The following USP34 variants were observed in gnomAD, a reference collection of about 807,000 sequenced individuals.
The protein encoded by USP34 is ubiquitin carboxyl-terminal hydrolase 34.
Under a neutral mutation model 460.3 loss-of-function variants are expected in USP34, and 70 were observed. The ratio of observed to expected loss-of-function variants is 0.15; its 90% CI spans 0.13 to 0.19. USP34 has a LOEUF of 0.19. Among genes scored for constraint, USP34 ranks in the 10% least tolerant of loss-of-function variants. The pLI is 1.00. For synonymous variants in USP34, 1,647 were observed against 1,405.3 expected, an observed-to-expected ratio of 1.17 and a Z score of -3.85; for missense variants, 3,985 against 4,236.2, an observed-to-expected ratio of 0.94 and a Z score of 1.65.
chr2:61,227,736 C>CA (rs11328095), intron 61 of USP34, among the ~76,000 whole-genome samples: 231 of 148,208 alleles, frequency 1.6e-3, no homozygotes, highest in South Asian at 6.2e-3. Flanking sequence ...AACAAACAAA[C>CA]AAAAAAAAAA....
chr2:61,359,608 CT>C (rs1228109708), intron 10 of USP34, among the ~76,000 whole-genome samples: 1 of 152,004 alleles, frequency 6.6e-6, no homozygotes, highest in Non-Finnish European at 1.5e-5. Flanking sequence ...AAATTAAAAA[CT>C]TTTGTGCATC....
chr2:61,231,283 GT>G (rs534680714), intron 58 of USP34, among the ~76,000 whole-genome samples: 2 of 142,162 alleles, frequency 1.4e-5, no homozygotes, highest in African/African-American at 5.1e-5. Flanking sequence ...TGGGTATAGG[GT>G]TTTTTTTTGG....
chr2:61,206,224 GGTTA>G, intron 71 of USP34, 100 bp from the exon 72 acceptor site: 1 of 975,570 alleles, frequency 1.0e-6, no homozygotes, highest in Non-Finnish European at 1.6e-6. Context: ...TAGAAATTCA[GGTTA>G]ATTACAAAAA....
chr2:61,204,043 GAA>G (rs367894622), intron 74 of USP34, among the ~76,000 whole-genome samples: 1 of 151,640 alleles, frequency 6.6e-6, no homozygotes, highest in South Asian at 2.1e-4. Context: ...TTTTGAGGGG[GAA>G]AAAAAACTTA....
At position 61,223,241 on chromosome 2, in the gene USP34, G is replaced by GTACT; in HGVS notation, c.7644+3_7644+6dup. On this transcript the variant is annotated splice_region_variant and intron_variant, in intron 63 of 79. Transcript: ENST00000398571. The stretch of plus-strand genomic sequence containing the variant: ...ATCAAATTGTCTAATATTAGAGAAT[G>GTACT]TACTACCTTTCCTCCTGTTAATGCT... 6.2e-7 allele frequency: 1 copy of GTACT among 1,613,742 alleles called. No homozygotes were observed. Among genetic ancestry groups the GTACT allele is most frequent in the Non-Finnish European group, 8.5e-7 (1 of 1,179,734 alleles).
chr2:61,264,406 T>C (rs1688985841), intron 43 of USP34, among the ~76,000 whole-genome samples: 1 of 152,126 alleles, frequency 6.6e-6, no homozygotes, highest in Non-Finnish European at 1.5e-5. Context: ...AAGGCCAAGG[T>C]AGAAGCATCT....
At chr2:61,266,413 ATGT>A (rs1689048402) in intron 41 of USP34, among the ~76,000 whole-genome samples, 1 of 152,126 alleles carries the variant, frequency 6.6e-6, no homozygotes, top group Admixed American at 6.5e-5. Context: ...TTCACGTACA[ATGT>A]TGTTATTTTC....
rs146328756 is a variant in USP34 at position 61,431,682 on chromosome 2, C to T, written c.44-10849G>A. On this transcript the variant is annotated intron_variant, in intron 1 of 79. Coordinates refer to ENST00000398571, the MANE Select transcript of USP34 (RefSeq NM_014709.4). ...CCAGCCTGGCCAATCTGGTGAAACC[C>T]CATCTCTACTAAAATTCAAAAACTT... 3.4e-4 allele frequency among the ~76,000 whole-genome samples: 51 copies of T among 152,122 alleles called. No individual in the cohort carries two copies. The East Asian group carries it at 9.7e-3, about 29-fold the overall frequency.
At chr2:61,335,587 A>C (rs1691392371) in intron 18 of USP34, among the ~76,000 whole-genome samples, 1 of 152,148 alleles carries the variant, frequency 6.6e-6, no homozygotes, top group Non-Finnish European at 1.5e-5. Context: ...TCTCCACAAA[A>C]AAATACAAAA....
chr2:61,312,044 A>G, intron 25 of USP34, 134 bp from the exon 26 acceptor site: 5 of 1,082,130 alleles, frequency 4.6e-6, no homozygotes, highest in Non-Finnish European at 6.3e-6. Context: ...ATTCTACAGC[A>G]ACAAATTTAA....
intron 1 of USP34, among the ~76,000 whole-genome samples, chr2:61,428,182 C>T (rs1573031629): frequency 1.4e-5 from 2 of 140,574 alleles, no homozygotes; most frequent in Admixed American, 1.4e-4. Flanking sequence ...AAAAAAAAAA[C>T]TTCCAAATCT....
At chr2:61,390,023 GAT>G (rs1693294156) in intron 5 of USP34, among the ~76,000 whole-genome samples, 1 of 152,104 alleles carries the variant, frequency 6.6e-6, no homozygotes, top group Admixed American at 6.5e-5. Context: ...CCTAGTTTCT[GAT>G]ATTAAACAGT....
chr2:61,379,095 C>A (rs1293846256), intron 7 of USP34, among the ~76,000 whole-genome samples: 1 of 152,030 alleles, frequency 6.6e-6, no homozygotes, highest in Admixed American at 6.6e-5. Context: ...CAGATAAATC[C>A]ACTCAAGATT....
At chr2:61,293,741 G>A (rs1238125846) in intron 32 of USP34, among the ~76,000 whole-genome samples, 191 bp from the exon 33 acceptor site, 1 of 152,170 alleles carries the variant, frequency 6.6e-6, no homozygotes, top group East Asian at 1.9e-4. Flanking sequence ...AAGGGTGGGT[G>A]CAATGGTTCA....
Position 61,347,896 on chromosome 2 carries a change from G to T in USP34, c.2259C>A (p.His753Gln), listed in dbSNP as rs779677060. Residue 753 changes from histidine (H) to glutamine (Q), a missense_variant, in exon 15 of 80, where the codon CAC becomes CAA. Coordinates refer to ENST00000398571, the MANE Select transcript of USP34 (RefSeq NM_014709.4). ...CATCGTGGTGGTGGTGATGGTGGTGGTGGTGGTGGTGATGCTGTGGACCAA... is the reference window on the plus strand; with the variant it reads ...CATCGTGGTGGTGGTGATGGTGGTGTTGGTGGTGGTGATGCTGTGGACCAA... ...QFIGPQHHHH[H>Q]HHHHHHHDGH... 9 of 1,613,376 alleles carry T rather than the reference G, an allele frequency of 5.6e-6. No homozygotes were observed. In the East Asian group the frequency reaches 2.0e-4, roughly 36 times the overall value.
At chr2:61,246,203 TA>T in intron 50 of USP34, 120 bp downstream of exon 50, 1 of 686,704 alleles carries the variant, frequency 1.5e-6, no homozygotes, top group Non-Finnish European at 2.1e-6. Flanking sequence ...TATCTTCATT[TA>T]AAAATTTTGT....
intron 5 of USP34, among the ~76,000 whole-genome samples, chr2:61,392,309 C>A (rs1441641934): frequency 6.6e-6 from 1 of 152,002 alleles, no homozygotes; most frequent in African/African-American, 2.4e-5. Context: ...GCAGAACTCT[C>A]TCTCAAAAAC....
chr2:61,440,831 TA>T lies in USP34; in HGVS notation c.44-19999del, dbSNP rs573344581. On this transcript the variant is annotated intron_variant, in intron 1 of 79. Transcript: ENST00000398571. Reference sequence around the variant, plus strand: ...CCACACCCGGCCTACTTTTTTAATTTAAAAAAAAAAAAAATTTCGGGTGCAG... The same window carrying T: ...CCACACCCGGCCTACTTTTTTAATTTAAAAAAAAAAAAATTTCGGGTGCAG... Among the ~76,000 whole-genome samples the T allele has an allele frequency of 8.6e-3, 1,226 of 142,906 alleles. 8 individuals carry two copies. Among genetic ancestry groups the T allele is most frequent in the African/African-American group, 0.026 (999 of 39,134 alleles). 93.8% of individuals were successfully genotyped at this position (142,906 alleles called of 152,430 possible).
At chr2:61,231,865 AATATG>A (rs1487428114) in intron 58 of USP34, among the ~76,000 whole-genome samples, 1 of 149,088 alleles carries the variant, frequency 6.7e-6, no homozygotes, top group African/African-American at 2.4e-5. Flanking sequence ...TAAATATATA[AATATG>A]ATATATAACA....
Sources: gnomAD v4.1 joint callset for allele counts (sites outside exome capture counted in the v4.1 genomes callset) on GRCh38, gnomAD v4.1.1 for gene constraint, MANE v1.5 for transcripts, NCBI Gene and HGNC (gene_info 2026-07-23, HGNC 2026-07-21) for gene names.